PDE4B: variants seen among roughly 807,000 people sequenced by gnomAD.
The protein encoded by PDE4B is phosphodiesterase 4B, also known as 3',5'-cyclic-AMP phosphodiesterase 4B.
PDE4B carries 20 observed loss-of-function variants against 82.2 expected under a neutral mutation model. That is an observed-to-expected ratio of 0.24 (90% CI 0.17 to 0.35). The LOEUF (loss-of-function observed/expected upper bound fraction) is 0.35, where lower values mean the gene tolerates loss of function less well. PDE4B is among the 10% of genes least tolerant of loss of function. The probability of loss-of-function intolerance (pLI) is 1.00; values close to 1 mark genes in which losing one functional copy is unlikely to be tolerated. For synonymous variants in PDE4B, 320 were observed against 318.9 expected, an observed-to-expected ratio of 1.00 and a Z score of -0.04; for missense variants, 655 against 907.2, an observed-to-expected ratio of 0.72 and a Z score of 3.57.
intron 3 of PDE4B, among the ~76,000 whole-genome samples, chr1:65,993,867 A>G (rs1298252728): frequency 6.6e-6 from 1 of 152,172 alleles, no homozygotes. Flanking sequence ...TTTAATATAC[A>G]TGTTTACAAG....
At chr1:65,974,916 A>G (rs934948658) in intron 3 of PDE4B, among the ~76,000 whole-genome samples, 1 of 152,176 alleles carries the variant, frequency 6.6e-6, no homozygotes, top group Non-Finnish European at 1.5e-5. Flanking sequence ...TTATAGCAGC[A>G]TAAGAACAGA....
chr1:66,323,502 C>T (rs1204250058), intron 7 of PDE4B, among the ~76,000 whole-genome samples: 2 of 152,124 alleles, frequency 1.3e-5, no homozygotes, highest in Non-Finnish European at 2.9e-5. Flanking sequence ...TAATATTCAG[C>T]ACTATACCCT....
chr1:65,866,113 G>T (rs1490298025), intron 1 of PDE4B, among the ~76,000 whole-genome samples: 2 of 152,130 alleles, frequency 1.3e-5, no homozygotes, highest in Non-Finnish European at 2.9e-5. Flanking sequence ...CATTTGATTA[G>T]TTCCAATCTT....
intron 3 of PDE4B, among the ~76,000 whole-genome samples, chr1:66,010,861 G>A (rs1480685002): frequency 6.7e-6 from 1 of 148,452 alleles, no homozygotes; most frequent in Admixed American, 6.7e-5. Flanking sequence ...TCTTCGTGGG[G>A]ATGATGAGGC....
At chr1:66,135,131 G>A (rs922855870) in intron 3 of PDE4B, among the ~76,000 whole-genome samples, 4 of 152,194 alleles carry the variant, frequency 2.6e-5, no homozygotes, top group African/African-American at 9.7e-5. Flanking sequence ...CCATGTGTTG[G>A]TGTGTATTGG....
chr1:66,192,058 A>C (rs947261547), intron 3 of PDE4B, among the ~76,000 whole-genome samples: 2 of 152,172 alleles, frequency 1.3e-5, no homozygotes, highest in Admixed American at 1.3e-4. Flanking sequence ...TAGGAAAAAT[A>C]AGATGATAAT....
intron 1 of PDE4B, among the ~76,000 whole-genome samples, chr1:65,892,898 T>TGAA (rs1646867984): frequency 2.6e-5 from 4 of 152,106 alleles, no homozygotes; most frequent in African/African-American, 4.8e-5. Flanking sequence ...TCAAATTCAC[T>TGAA]ACTCAGACAG....
chr1:66,035,351 T>C (rs1654005843), intron 3 of PDE4B, among the ~76,000 whole-genome samples: 2 of 152,204 alleles, frequency 1.3e-5, no homozygotes, highest in Non-Finnish European at 2.9e-5. Flanking sequence ...TCCTCTCTTT[T>C]AGCTATTCTG....
chr1:65,998,843 C>CT (rs1263766607), intron 3 of PDE4B, among the ~76,000 whole-genome samples: 1 of 149,882 alleles, frequency 6.7e-6, no homozygotes, highest in Admixed American at 6.7e-5. Flanking sequence ...TTGTATTTTA[C>CT]TTTAAGTGCA....
At chr1:66,001,688 G>A (rs2100710353) in intron 3 of PDE4B, among the ~76,000 whole-genome samples, 1 of 152,078 alleles carries the variant, frequency 6.6e-6, no homozygotes, top group South Asian at 2.1e-4. Flanking sequence ...GGCATTGATG[G>A]GTTGTATTGT....
At chr1:65,899,260 C>T (rs1404648773) in intron 1 of PDE4B, among the ~76,000 whole-genome samples, 3 of 152,006 alleles carry the variant, frequency 2.0e-5, no homozygotes, top group Non-Finnish European at 4.4e-5. Context: ...ATTAAAACCA[C>T]AATGTGATAC....
At chr1:66,118,513 T>C (rs1054689074) in intron 3 of PDE4B, among the ~76,000 whole-genome samples, 2 of 151,886 alleles carry the variant, frequency 1.3e-5, no homozygotes, top group African/African-American at 2.4e-5. Context: ...TAGGTGGGAA[T>C]TGAACAATGA....
intron 3 of PDE4B, among the ~76,000 whole-genome samples, chr1:66,161,800 A>G (rs1038908329): frequency 1.3e-5 from 2 of 152,114 alleles, no homozygotes; most frequent in East Asian, 1.9e-4. Flanking sequence ...CACTTACCCC[A>G]TTGATACTCT....
intron 15 of PDE4B, 74 bp downstream of exon 15, chr1:66,368,139 C>T: frequency 6.6e-7 from 1 of 1,524,028 alleles, no homozygotes; most frequent in Non-Finnish European, 9.0e-7. Context: ...AAAAAGAAAA[C>T]AAAGATAAAT....
intron 3 of PDE4B, among the ~76,000 whole-genome samples, chr1:65,959,701 C>A (rs1255198553): frequency 1.3e-5 from 2 of 152,038 alleles, no homozygotes; most frequent in Non-Finnish European, 2.9e-5. Flanking sequence ...CTAACTCACC[C>A]CTTAGTTCAT....
intron 6 of PDE4B, among the ~76,000 whole-genome samples, chr1:66,260,020 A>G (rs1433522621): frequency 1.3e-5 from 2 of 152,230 alleles, no homozygotes; most frequent in Non-Finnish European, 2.9e-5. Flanking sequence ...TTAAAACAGC[A>G]TCTTGCACAA....
intron 3 of PDE4B, among the ~76,000 whole-genome samples, chr1:66,078,593 G>C (rs1375018069): frequency 1.3e-5 from 2 of 151,954 alleles, no homozygotes; most frequent in African/African-American, 4.8e-5. Flanking sequence ...TGTAGCATGT[G>C]CTTAATCTCT....
chr1:66,053,629 G>A (rs1329298883), intron 3 of PDE4B, among the ~76,000 whole-genome samples: 3 of 151,954 alleles, frequency 2.0e-5, no homozygotes, highest in African/African-American at 4.8e-5. Flanking sequence ...AGGCTGAGGC[G>A]GGCAGGATCA....
At position 66,373,614 on chromosome 1, in the gene PDE4B, G is replaced by A. The variant is rs1467912905; in HGVS notation, c.*936G>A. On this transcript the variant is annotated 3_prime_UTR_variant, in exon 17 of 17. Coordinates refer to ENST00000341517, the MANE Select transcript of PDE4B (RefSeq NM_002600.4). Reference sequence around the variant, plus strand: ...GTCCTTCTCTTGCACTGCCTTCTGCGCTAACACCTCCATTCCTGTTTATAA... The same window carrying A: ...GTCCTTCTCTTGCACTGCCTTCTGCACTAACACCTCCATTCCTGTTTATAA... The A allele has an allele frequency of 1.3e-5, 2 of 152,554 alleles. No individual in the cohort carries two copies. The highest frequency in any genetic ancestry group is 2.4e-5 in the African/African-American group (1 of 41,382). 9.5% of individuals were successfully genotyped at this position (152,554 alleles called of 1,614,324 possible). A position where few individuals can be genotyped will look rare whatever the true frequency, so the allele number is the denominator to read the frequency against.
Sources: gnomAD v4.1 joint callset for allele counts (sites outside exome capture counted in the v4.1 genomes callset) on GRCh38, gnomAD v4.1.1 for gene constraint, MANE v1.5 for transcripts, NCBI Gene and HGNC (gene_info 2026-07-23, HGNC 2026-07-21) for gene names.